Variants in INAVA observed in about 807,000 individuals in gnomAD.
The protein encoded by INAVA is innate immunity activator protein.
Under a neutral mutation model 55.3 loss-of-function variants are expected in INAVA, and 32 were observed. The ratio of observed to expected loss-of-function variants is 0.58; its 90% CI spans 0.44 to 0.78. INAVA has a LOEUF of 0.78. Among genes scored for constraint, INAVA ranks in the 30% least tolerant of loss-of-function variants. The pLI is 0.00. For missense variants in INAVA, 756 were observed against 786.4 expected (o/e 0.96, Z 0.46); for synonymous variants, 294 against 329.4 (o/e 0.89, Z 1.16).
Position 200,911,476 on chromosome 1 carries a change from C to T in INAVA, c.983C>T (p.Pro328Leu). 6.2e-7 allele frequency: 1 copy of T among 1,613,190 alleles called. No homozygotes were observed. The highest frequency in any genetic ancestry group is 1.1e-5 in the South Asian group (1 of 90,984). ...SLRVDSFRAG[P>L]EGRGRSAFPR... Reference sequence around the variant, plus strand: ...AGGGTGGATTCCTTCCGGGCGGGTCCTGAGGGCCGAGGTCGCAGCGCCTTT... The same window carrying T: ...AGGGTGGATTCCTTCCGGGCGGGTCTTGAGGGCCGAGGTCGCAGCGCCTTT... Residue 328 changes from proline to leucine, a missense_variant, in exon 9 of 10, where the codon CCT becomes CTT. Physicochemically the swap from Pro to Leu is moderately conservative, Grantham distance 98. Transcript: ENST00000413687.
Position 200,911,434 on chromosome 1 carries a change from C to A in INAVA, c.960-19C>A, listed in dbSNP as rs545166464. ...GTTTCTGCCCCCCACACTCAGAATG[C>A]CTCTCTTTCCCTCTTCAGGGTGGAT... On this transcript the variant is annotated intron_variant, in intron 8 of 9. Transcript: ENST00000413687. 1.9e-6 allele frequency: 3 copies of A among 1,596,422 alleles called. No individual in the cohort carries two copies. In the East Asian group the frequency reaches 6.7e-5, roughly 36 times the overall value.
intron 2 of INAVA, among the ~76,000 whole-genome samples, 197 bp downstream of exon 2, chr1:200,898,652 G>A (rs1473279430): frequency 6.6e-6 from 1 of 152,234 alleles, no homozygotes; most frequent in African/African-American, 2.4e-5. Flanking sequence ...TCAGGGACAT[G>A]TGGAGTTTTC....
chr1:200,901,497 G>A (rs1036474730), intron 5 of INAVA, among the ~76,000 whole-genome samples: 3 of 152,226 alleles, frequency 2.0e-5, no homozygotes, highest in Non-Finnish European at 2.9e-5. Context: ...GGCTGGCCCC[G>A]CTGCCCTCCA....
At chr1:200,911,211 C>T (rs1653708004) in intron 8 of INAVA, among the ~76,000 whole-genome samples, 1 of 152,040 alleles carries the variant, frequency 6.6e-6, no homozygotes, top group South Asian at 2.1e-4. Context: ...ACACGAATCA[C>T]AAGCTTGTGA....
intron 5 of INAVA, among the ~76,000 whole-genome samples, chr1:200,902,681 C>T (rs146066525): frequency 0.013 from 1,962 of 152,346 alleles, 21 homozygotes; most frequent in Non-Finnish European, 0.021. Flanking sequence ...TTGCTCTGTG[C>T]CTGCAGGGAG....
chr1:200,912,321 G>C (rs560766916), intron 9 of INAVA, among the ~76,000 whole-genome samples, 184 bp downstream of exon 9: 5 of 152,326 alleles, frequency 3.3e-5, no homozygotes, highest in South Asian at 2.1e-4. Flanking sequence ...GGCACTCTTG[G>C]CTTCCCTGGG....
At chr1:200,898,208 T>C in intron 1 of INAVA, 99 bp from the exon 2 acceptor site, 1 of 1,308,258 alleles carries the variant, frequency 7.6e-7, no homozygotes, top group Non-Finnish European at 1.1e-6. Flanking sequence ...AGCACAGTCC[T>C]CCCTTCCACT....
Position 200,911,908 on chromosome 1 carries a change from G to A in INAVA, c.1415G>A (p.Arg472His). 5 of 1,579,768 alleles carry A rather than the reference G, an allele frequency of 3.2e-6. No homozygotes were observed. The highest frequency in any genetic ancestry group is 4.6e-5 in the East Asian group (2 of 43,502). The change falls in exon 9 of 10, where the codon CGT becomes CAT. Residue 472 changes from arginine to histidine, a missense_variant. By Grantham distance (29) the Arg-to-His change is conservative (BLOSUM62 0). This residue lies in a region of INAVA where 117 missense variants were observed against 162.1 expected (regional missense o/e 0.72). Transcript: ENST00000413687. ...GAGGGCACTCCCCTGCGCTACCAGC[G>A]TCTGGTGCCCTCCCGCAGCCGCATC... Reference protein sequence around the residue: ...EEEGTPLRYQRLVPSRSRIVR... With the variant: ...EEEGTPLRYQHLVPSRSRIVR...
At position 200,900,368 on chromosome 1, in the gene INAVA, A is replaced by G. The variant is rs1653192612; in HGVS notation, c.297+148A>G. On this transcript the variant is annotated intron_variant, in intron 4 of 9. Transcript: ENST00000413687. The stretch of plus-strand genomic sequence containing the variant: ...TGGCTGCCTGTTGGTGAGAGACACC[A>G]TGAATATGTAGCCCAAATGGCTGTG... 4.4e-6 allele frequency: 3 copies of G among 678,546 alleles called. No individual in the cohort carries two copies. In the East Asian group the frequency reaches 8.2e-5, roughly 18 times the overall value. 42.0% of individuals were successfully genotyped at this position (678,546 alleles called of 1,614,324 possible).
In INAVA at chr1:200,907,881, G is replaced by C. The variant is rs1653561253; in HGVS notation, c.568G>C (p.Glu190Gln). The C allele has an allele frequency of 6.2e-7, 1 of 1,612,302 alleles. No homozygotes were observed. The highest frequency in any genetic ancestry group is 8.5e-7 in the Non-Finnish European group (1 of 1,178,824). Residue 190 changes from glutamate (E) to glutamine (Q), a missense_variant, in exon 6 of 10, where the codon GAG becomes CAG. Transcript: ENST00000413687. ...DSSLSDGLLLEEEESQVPKPP... is the reference protein window; with the variant it reads ...DSSLSDGLLLQEEESQVPKPP... ...CTCCCTGTCAGATGGGCTCCTCCTG[G>C]AGGAAGGTGAGAAGGACGTTTGGGG...
intron 8 of INAVA, among the ~76,000 whole-genome samples, chr1:200,909,813 C>G (rs140863827): frequency 7.2e-5 from 11 of 152,092 alleles, no homozygotes; most frequent in Non-Finnish European, 1.5e-4. Flanking sequence ...AATACTGAAC[C>G]CTTGCCCCTG....
chr1:200,898,165 G>A, intron 1 of INAVA, 142 bp from the exon 2 acceptor site: 1 of 850,178 alleles, frequency 1.2e-6, no homozygotes, highest in East Asian at 2.6e-5. Flanking sequence ...AGCACCCCCA[G>A]TGCCAGAATC....
At chr1:200,913,498 T>C (rs373734275) in intron 9 of INAVA, 39 bp from the exon 10 acceptor site, 150 of 1,547,702 alleles carry the variant, frequency 9.7e-5, no homozygotes, top group Non-Finnish European at 1.3e-4. Flanking sequence ...TTCTGCCTGG[T>C]TCATTTACCC....
intron 2 of INAVA, 132 bp downstream of exon 2, chr1:200,898,587 G>C: frequency 9.8e-7 from 1 of 1,021,654 alleles, no homozygotes; most frequent in Non-Finnish European, 1.4e-6. Context: ...CTGAGAGGAA[G>C]GGGAGGGAGA....
intron 2 of INAVA, among the ~76,000 whole-genome samples, chr1:200,899,250 C>T (rs1191944302): frequency 2.0e-5 from 3 of 152,096 alleles, no homozygotes; most frequent in East Asian, 3.9e-4. Context: ...CCTGGTGGGA[C>T]GACCCTCCCT....
chr1:200,899,146 A>G (rs569904352), intron 2 of INAVA, among the ~76,000 whole-genome samples: 3 of 151,522 alleles, frequency 2.0e-5, no homozygotes, highest in African/African-American at 7.3e-5. Flanking sequence ...CAGGAAGAAG[A>G]AGGAGAAGGA....
chr1:200,903,514 A>G (rs1653351529), intron 5 of INAVA, among the ~76,000 whole-genome samples: 1 of 151,782 alleles, frequency 6.6e-6, no homozygotes, highest in Non-Finnish European at 1.5e-5. Flanking sequence ...ACAAAACAAA[A>G]AAACAGGAGG....
rs534260930 is a variant in INAVA, at chr1:200,897,136, C to T, written c.-94-1171C>T. 3.5e-4 allele frequency among the ~76,000 whole-genome samples: 54 copies of T among 152,302 alleles called. 1 individual carries two copies. Among genetic ancestry groups the T allele is most frequent in the East Asian group, 3.9e-4 (2 of 5,178 alleles). On this transcript the variant is annotated intron_variant, in intron 1 of 9. Transcript: ENST00000413687. ...CTGGGTGACTGGTCCCTAGCTGAGCCGACACAATGGGATGGCACCTGTACC... is the reference window on the plus strand; with the variant it reads ...CTGGGTGACTGGTCCCTAGCTGAGCTGACACAATGGGATGGCACCTGTACC...
At chr1:200,910,396 A>G (rs1653664355) in intron 8 of INAVA, among the ~76,000 whole-genome samples, 1 of 152,224 alleles carries the variant, frequency 6.6e-6, no homozygotes, top group South Asian at 2.1e-4. Context: ...TTTCTAAGTC[A>G]TCTGCTACTT....
Sources: gnomAD v4.1 joint callset for allele counts (sites outside exome capture counted in the v4.1 genomes callset) on GRCh38, gnomAD v4.1.1 for gene constraint, gnomAD v4.1.1 regional missense constraint, MANE v1.5 for transcripts, NCBI Gene and HGNC (gene_info 2026-07-23, HGNC 2026-07-21) for gene names.